Variants in RORA observed in about 807,000 individuals in gnomAD.
RORA encodes the protein RAR related orphan receptor A.
RORA carries 7 observed loss-of-function variants against 69.5 expected under a neutral mutation model. That is an observed-to-expected ratio of 0.10 (90% CI 0.06 to 0.19). The LOEUF is 0.19. Among genes scored for constraint, RORA ranks in the 10% least tolerant of loss-of-function variants. The pLI is 1.00. For missense variants in RORA, 457 were observed against 663.0 expected, an observed-to-expected ratio of 0.69 and a Z score of 3.41; for synonymous variants, 261 against 240.8, an observed-to-expected ratio of 1.08 and a Z score of -0.78.
At chr15:60,740,607 G>T (rs188248296) in intron 1 of RORA, among the ~76,000 whole-genome samples, 1 of 152,244 alleles carries the variant, frequency 6.6e-6, no homozygotes, top group Non-Finnish European at 1.5e-5. Context: ...TGAAGTTTAT[G>T]TGGAGGAGCT....
chr15:61,003,668 T>A (rs930441739), intron 1 of RORA, among the ~76,000 whole-genome samples: 3 of 152,192 alleles, frequency 2.0e-5, no homozygotes, highest in African/African-American at 7.2e-5. Context: ...TTAAAGTCTA[T>A]TTCATGTCCT....
chr15:61,015,275 C>T (rs1254899752), intron 1 of RORA, among the ~76,000 whole-genome samples: 1 of 152,124 alleles, frequency 6.6e-6, no homozygotes, highest in Non-Finnish European at 1.5e-5. Context: ...TGGGGAGGGA[C>T]TTTCCTGCCA....
intron 1 of RORA, among the ~76,000 whole-genome samples, chr15:60,986,202 C>T (rs1270299606): frequency 2.0e-5 from 3 of 150,700 alleles, no homozygotes; most frequent in South Asian, 2.1e-4. Flanking sequence ...GGTGAGATCT[C>T]GGCTCACTGC....
intron 1 of RORA, among the ~76,000 whole-genome samples, chr15:61,073,820 A>G (rs1241797262): frequency 6.6e-6 from 1 of 152,308 alleles, no homozygotes; most frequent in East Asian, 1.9e-4. Context: ...GAGTTACTCA[A>G]TTTCTCCACA....
intron 1 of RORA, among the ~76,000 whole-genome samples, chr15:60,932,313 T>A (rs1259134715): frequency 6.6e-6 from 1 of 152,098 alleles, no homozygotes; most frequent in Non-Finnish European, 1.5e-5. Flanking sequence ...TCTTGTAAAC[T>A]CAGCCACGAT....
chr15:60,963,155 T>C (rs777290030), intron 1 of RORA, among the ~76,000 whole-genome samples: 1 of 152,238 alleles, frequency 6.6e-6, no homozygotes, highest in Non-Finnish European at 1.5e-5. Flanking sequence ...ACTATCCCCA[T>C]TTACGCTTCG....
intron 1 of RORA, among the ~76,000 whole-genome samples, chr15:60,999,286 G>C (rs761983150): frequency 1.3e-5 from 2 of 152,050 alleles, no homozygotes; most frequent in African/African-American, 2.4e-5. Flanking sequence ...ACTGCTGTGG[G>C]AAGTTTCCCA....
chr15:60,785,012 T>C (rs974174415), intron 1 of RORA, among the ~76,000 whole-genome samples: 2 of 152,170 alleles, frequency 1.3e-5, no homozygotes, highest in Non-Finnish European at 2.9e-5. Context: ...CCCAAGGATG[T>C]GGAAGTCCAG....
intron 1 of RORA, among the ~76,000 whole-genome samples, chr15:60,746,306 T>C (rs968881652): frequency 1.3e-5 from 2 of 152,132 alleles, no homozygotes; most frequent in Admixed American, 6.5e-5. Context: ...ATTTTTTTTT[T>C]AATTTAATGA....
rs56192812 is a variant in RORA at position 60,590,175 on chromosome 15, ATCTCTC to A, written c.197-58330_197-58325del. Among the ~76,000 whole-genome samples, 97 of 146,814 alleles carry A rather than the reference ATCTCTC, an allele frequency of 6.6e-4. 2 individuals carry two copies. The highest frequency in any genetic ancestry group is 3.9e-3 in the South Asian group (18 of 4,634). Reference sequence around the variant, plus strand: ...ATGCATTCTCTCTCCCTCTTCCTCTATCTCTCTCTCTCTCTCTCTCTCTCTTTCAGG... The same window carrying A: ...ATGCATTCTCTCTCCCTCTTCCTCTATCTCTCTCTCTCTCTCTCTTTCAGG... On this transcript the variant is annotated intron_variant, in intron 2 of 10. Coordinates refer to ENST00000335670, the MANE Select transcript of RORA (RefSeq NM_134261.3).
intron 1 of RORA, among the ~76,000 whole-genome samples, chr15:61,103,223 A>C (rs2078905297): frequency 6.6e-6 from 1 of 152,118 alleles, no homozygotes. Context: ...GGGCTGAGGA[A>C]CTTGGCAGTG....
chr15:60,861,627 T>C (rs1275486463), intron 1 of RORA, among the ~76,000 whole-genome samples: 1 of 152,196 alleles, frequency 6.6e-6, no homozygotes, highest in Non-Finnish European at 1.5e-5. Flanking sequence ...TACCTGAGAC[T>C]ACAGGTGCGA....
At chr15:61,115,859 G>T (rs1379831567) in intron 1 of RORA, among the ~76,000 whole-genome samples, 1 of 152,202 alleles carries the variant, frequency 6.6e-6, no homozygotes, top group Non-Finnish European at 1.5e-5. Context: ...GCTCCAGAGG[G>T]CTTCCTTTAG....
chr15:60,636,020 A>G (rs1362298520), intron 2 of RORA, among the ~76,000 whole-genome samples: 1 of 152,130 alleles, frequency 6.6e-6, no homozygotes, highest in East Asian at 1.9e-4. Flanking sequence ...AAGACTTGCC[A>G]TTTTTAAAAT....
chr15:60,746,151 C>G (rs1450799288), intron 1 of RORA, among the ~76,000 whole-genome samples: 2 of 152,194 alleles, frequency 1.3e-5, no homozygotes, highest in Non-Finnish European at 1.5e-5. Context: ...AACACAGTCT[C>G]TGGGCTCCAT....
chr15:61,011,914 C>T (rs906352017), intron 1 of RORA, among the ~76,000 whole-genome samples: 3 of 152,210 alleles, frequency 2.0e-5, no homozygotes, highest in Non-Finnish European at 4.4e-5. Context: ...TCTGTTTTCT[C>T]CACAGCTTCC....
intron 2 of RORA, among the ~76,000 whole-genome samples, chr15:60,574,744 T>C (rs1271498886): frequency 1.3e-5 from 2 of 152,208 alleles, no homozygotes; most frequent in Non-Finnish European, 2.9e-5. Flanking sequence ...TATTATCATC[T>C]TTATTTGATA....
intron 1 of RORA, among the ~76,000 whole-genome samples, chr15:61,116,846 G>A (rs1037491147): frequency 1.3e-5 from 2 of 152,052 alleles, no homozygotes; most frequent in African/African-American, 4.8e-5. Context: ...CCCTGCTAGC[G>A]CTAACTTCTC....
intron 1 of RORA, among the ~76,000 whole-genome samples, chr15:61,200,773 A>G (rs1313794594): frequency 6.6e-6 from 1 of 152,194 alleles, no homozygotes; most frequent in Non-Finnish European, 1.5e-5. Context: ...AAAAGCTGTC[A>G]GTCTAATGCC....
Sources: allele counts gnomAD v4.1 joint callset (sites outside exome capture counted in the v4.1 genomes callset), GRCh38; gene constraint gnomAD v4.1.1; transcripts MANE v1.5; gene names NCBI Gene and HGNC (gene_info 2026-07-23, HGNC 2026-07-21).